Variants in SMIM13 observed in about 807,000 individuals in gnomAD.
The protein encoded by SMIM13 is small integral membrane protein 13, also known as UPF0766 protein C6orf228.
Under a neutral mutation model 5.9 loss-of-function variants are expected in SMIM13, and 3 were observed. The ratio of observed to expected loss-of-function variants is 0.51; its 90% CI spans 0.23 to 1.31. The LOEUF (loss-of-function observed/expected upper bound fraction) is 1.31. Among genes scored for constraint, SMIM13 ranks in the 40% most tolerant of loss-of-function variants. The pLI, the probability that SMIM13 is intolerant of heterozygous loss-of-function variation, is 0.18. For synonymous variants in SMIM13, 55 were observed against 46.0 expected (o/e 1.19, Z -0.79); for missense variants, 85 against 109.9 (o/e 0.77, Z 1.01).
chr6:11,111,514 C>A (rs1004915027), intron 1 of SMIM13, among the ~76,000 whole-genome samples: 1 of 152,092 alleles, frequency 6.6e-6, no homozygotes, highest in Non-Finnish European at 1.5e-5. Flanking sequence ...AGCCATCCTT[C>A]GGGGTGAGCA....
At chr6:11,104,622 A>G in intron 1 of SMIM13, 4 of 1,614,224 alleles carry the variant, frequency 2.5e-6, no homozygotes, top group South Asian at 1.1e-5. Context: ...AGTTTGGTCC[A>G]ATAGAACCCA....
At position 11,134,710 on chromosome 6, in the gene SMIM13, G is replaced by T. The variant is rs560493321; in HGVS notation, c.*108G>T. ...GAACATTTGTATTGGATTTTAAGTCGAATTTTAAAAAAGATTTACATGTAA... is the reference window on the plus strand; with the variant it reads ...GAACATTTGTATTGGATTTTAAGTCTAATTTTAAAAAAGATTTACATGTAA... On this transcript the variant is annotated 3_prime_UTR_variant, in exon 2 of 2. Coordinates refer to ENST00000416247, the MANE Select transcript of SMIM13 (RefSeq NM_001135575.2). 41 of 889,590 alleles carry T rather than the reference G, an allele frequency of 4.6e-5. No homozygotes were observed. In the South Asian group the frequency reaches 1.4e-3, roughly 31 times the overall value. 55.1% of individuals were successfully genotyped at this position (889,590 alleles called of 1,614,324 possible).
In SMIM13 at chr6:11,138,400, A is replaced by T. The variant is rs920186604; in HGVS notation, c.*3798A>T. 6.6e-6 allele frequency: 1 copy of T among 152,132 alleles called. No homozygotes were observed. The highest frequency in any genetic ancestry group is 1.5e-5 in the Non-Finnish European group (1 of 68,016). 9.4% of individuals were successfully genotyped at this position (152,132 alleles called of 1,614,324 possible). A position where few individuals can be genotyped will look rare whatever the true frequency, so the allele number is the denominator to read the frequency against. ...TTGGTGTACATGTGCTACCTGTTTT[A>T]TGGGGAATGTTTAACACGATCCTCC... On this transcript the variant is annotated 3_prime_UTR_variant, in exon 2 of 2. Coordinates refer to ENST00000416247, the MANE Select transcript of SMIM13 (RefSeq NM_001135575.2).
chr6:11,101,021 C>T, intron 1 of SMIM13, among the ~76,000 whole-genome samples: 1 of 148,126 alleles, frequency 6.8e-6, no homozygotes. Context: ...CAATTTCCTC[C>T]TCTCCATTTT....
intron 1 of SMIM13, chr6:11,104,119 C>T: frequency 6.4e-7 from 1 of 1,551,692 alleles, no homozygotes; most frequent in African/African-American, 1.4e-5. Context: ...GTCGTTAAGG[C>T]TTTAGCCATG....
intron 1 of SMIM13, among the ~76,000 whole-genome samples, chr6:11,120,016 C>A (rs897495363): frequency 6.6e-6 from 1 of 152,088 alleles, no homozygotes; most frequent in Non-Finnish European, 1.5e-5. Flanking sequence ...CATAGATGAG[C>A]CTTTGCTGCC....
intron 1 of SMIM13, among the ~76,000 whole-genome samples, chr6:11,119,794 A>C (rs1158351539): frequency 1.3e-5 from 2 of 152,234 alleles, no homozygotes; most frequent in African/African-American, 4.8e-5. Flanking sequence ...GAAATGTCTT[A>C]TGATTATTGG....
At chr6:11,098,713 A>T (rs1757955600) in intron 1 of SMIM13, among the ~76,000 whole-genome samples, 1 of 152,196 alleles carries the variant, frequency 6.6e-6, no homozygotes, top group Non-Finnish European at 1.5e-5. Context: ...GACTACAGGC[A>T]TGAGCCACCA....
chr6:11,136,112 C>T lies in SMIM13; in HGVS notation c.*1510C>T, dbSNP rs1250542760. 1 of 152,120 alleles carries T rather than the reference C, an allele frequency of 6.6e-6. No homozygotes were observed. Among genetic ancestry groups the T allele is most frequent in the Non-Finnish European group, 1.5e-5 (1 of 68,018 alleles). The allele number at this position is 152,120 out of a possible 1,614,324, so 9.4% of individuals were successfully genotyped here. A position where few individuals can be genotyped will look rare whatever the true frequency, so the allele number is the denominator to read the frequency against. On this transcript the variant is annotated 3_prime_UTR_variant, in exon 2 of 2. Transcript: ENST00000416247. ...TAGGAAGAGTGGGATTAGTTACTCC[C>T]TTTGTATAGGAGGACTTTATGCTCA...
rs1390499305 is a variant in SMIM13 at position 11,094,299 on chromosome 6, C to CCTTCTG, written c.-13_-8dup. 94 of 1,445,590 alleles carry CCTTCTG rather than the reference C, an allele frequency of 6.5e-5. No individual in the cohort carries two copies. Among genetic ancestry groups the CCTTCTG allele is most frequent in the Non-Finnish European group, 8.3e-5 (91 of 1,092,494 alleles). The allele number at this position is 1,445,590 out of a possible 1,614,324, so 89.5% of individuals were successfully genotyped here. The stretch of plus-strand genomic sequence containing the variant: ...GCGCCAGCCGCCCCGAGCCGACTGC[C>CCTTCTG]CTTCTGCCCCCAAGATGTGGCACAG... On this transcript the variant is annotated 5_prime_UTR_variant, in exon 1 of 2. Transcript: ENST00000416247.
At chr6:11,129,502 A>G (rs1227441182) in intron 1 of SMIM13, among the ~76,000 whole-genome samples, 1 of 152,236 alleles carries the variant, frequency 6.6e-6, no homozygotes, top group Admixed American at 6.5e-5. Flanking sequence ...ATGTATGCAG[A>G]TATCTCTTGA....
At chr6:11,125,365 G>A (rs1758365023) in intron 1 of SMIM13, among the ~76,000 whole-genome samples, 1 of 151,102 alleles carries the variant, frequency 6.6e-6, no homozygotes, top group Non-Finnish European at 1.5e-5. Context: ...GGAGGCCAAG[G>A]CGGGTGGATC....
chr6:11,104,430 G>C, intron 1 of SMIM13: 1 of 1,551,680 alleles, frequency 6.4e-7, no homozygotes, highest in South Asian at 1.2e-5. Context: ...GGCTCCTTGA[G>C]TTTTAAGGCA....
At chr6:11,099,727 T>G (rs1250492531) in intron 1 of SMIM13, among the ~76,000 whole-genome samples, 1 of 152,216 alleles carries the variant, frequency 6.6e-6, no homozygotes, top group East Asian at 1.9e-4. Context: ...TTATTTCAAT[T>G]CTGTTACTCC....
chr6:11,127,852 C>A (rs1452584939), intron 1 of SMIM13, among the ~76,000 whole-genome samples: 1 of 152,130 alleles, frequency 6.6e-6, no homozygotes, highest in Non-Finnish European at 1.5e-5. Context: ...GGGACACAGC[C>A]AAGCCATATC....
chr6:11,124,266 C>T (rs773335541), intron 1 of SMIM13, among the ~76,000 whole-genome samples: 1 of 152,170 alleles, frequency 6.6e-6, no homozygotes, highest in Non-Finnish European at 1.5e-5. Flanking sequence ...TCTTTCTGTG[C>T]TTGGCTTATT....
intron 1 of SMIM13, among the ~76,000 whole-genome samples, chr6:11,117,157 A>ATTT (rs1341431576): frequency 8.6e-5 from 10 of 116,930 alleles, no homozygotes; most frequent in Non-Finnish European, 1.3e-4. Flanking sequence ...CGCCCGGCTA[A>ATTT]TTTTTGTATT....
intron 1 of SMIM13, chr6:11,104,769 G>A: frequency 2.5e-6 from 4 of 1,614,212 alleles, no homozygotes; most frequent in South Asian, 2.2e-5. Flanking sequence ...AGTTCCCTGA[G>A]GAAAAGTAAT....
Position 11,137,989 on chromosome 6 carries a change from T to C in SMIM13, c.*3387T>C, listed in dbSNP as rs937138203. ...TATAAAGTAATGGATTCACAAAATATGATATCTTAAAACATGTTGAAAGAT... is the reference window on the plus strand; with the variant it reads ...TATAAAGTAATGGATTCACAAAATACGATATCTTAAAACATGTTGAAAGAT... On this transcript the variant is annotated 3_prime_UTR_variant, in exon 2 of 2. Transcript: ENST00000416247. 3 of 152,222 alleles carry C rather than the reference T, an allele frequency of 2.0e-5. No homozygotes were observed. The highest frequency in any genetic ancestry group is 4.4e-5 in the Non-Finnish European group (3 of 68,030). The allele number at this position is 152,222 out of a possible 1,614,324, so 9.4% of individuals were successfully genotyped here.
Sources: allele counts gnomAD v4.1 joint callset (sites outside exome capture counted in the v4.1 genomes callset), GRCh38; gene constraint gnomAD v4.1.1; transcripts MANE v1.5; gene names NCBI Gene and HGNC (gene_info 2026-07-23, HGNC 2026-07-21).